Variants in RGS6 observed in about 807,000 individuals in gnomAD.
The protein encoded by RGS6 is regulator of G protein signaling 6, also known as regulator of G-protein signaling 6.
A neutral mutation model predicts 78.5 loss-of-function variants in RGS6; 30 were observed. That is an observed-to-expected ratio of 0.38 (90% CI 0.29 to 0.52). The LOEUF is 0.52. Ranked by LOEUF, RGS6 falls within the 20% of genes least tolerant of loss-of-function variation. The probability of loss-of-function intolerance (pLI) is 0.85; values close to 1 mark genes in which losing one functional copy is unlikely to be tolerated. For missense variants in RGS6, 495 were observed against 609.7 expected (o/e 0.81, Z 1.98); for synonymous variants, 206 against 206.0 (o/e 1.00, Z 0.00).
chr14:72,183,845 A>C (rs2097204801), intron 2 of RGS6, among the ~76,000 whole-genome samples: 1 of 152,176 alleles, frequency 6.6e-6, no homozygotes, highest in African/African-American at 2.4e-5. Flanking sequence ...GAAGGAGTAT[A>C]GTAAGCTTTG....
chr14:72,059,929 G>T (rs1207323814), intron 2 of RGS6, among the ~76,000 whole-genome samples: 1 of 152,178 alleles, frequency 6.6e-6, no homozygotes, highest in Non-Finnish European at 1.5e-5. Flanking sequence ...GTGATATTTT[G>T]TTATGGTAGC....
intron 2 of RGS6, among the ~76,000 whole-genome samples, chr14:72,250,728 A>G (rs1468047968): frequency 1.3e-5 from 2 of 152,224 alleles, no homozygotes; most frequent in African/African-American, 4.8e-5. Flanking sequence ...ATGAAACACA[A>G]TGAGAATTAA....
At chr14:72,561,105 A>G (rs2097669993) in intron 17 of RGS6, among the ~76,000 whole-genome samples, 1 of 152,126 alleles carries the variant, frequency 6.6e-6, no homozygotes, top group Non-Finnish European at 1.5e-5. Context: ...TTATTAGATA[A>G]ACCCGTTATC....
At chr14:72,041,188 C>A (rs1316564659) in intron 2 of RGS6, among the ~76,000 whole-genome samples, 2 of 152,172 alleles carry the variant, frequency 1.3e-5, no homozygotes, top group African/African-American at 2.4e-5. Flanking sequence ...AAAACAACTA[C>A]AACAACCAGC....
At chr14:72,495,329 AC>A in intron 13 of RGS6, 67 bp downstream of exon 13, 1 of 993,124 alleles carries the variant, frequency 1.0e-6, no homozygotes, top group South Asian at 1.3e-5. Flanking sequence ...TCATGAGATT[AC>A]CTTATATTCT....
intron 2 of RGS6, among the ~76,000 whole-genome samples, chr14:72,235,683 G>A (rs933132362): frequency 6.6e-6 from 1 of 152,116 alleles, no homozygotes; most frequent in Non-Finnish European, 1.5e-5. Flanking sequence ...CCAAACCTAG[G>A]ACTTGACTAT....
rs1191520814 is a variant in RGS6, at chr14:72,063,866, TGTGA to T, written c.84+98994_84+98997del. Among the ~76,000 whole-genome samples, 10 of 151,980 alleles carry T rather than the reference TGTGA, an allele frequency of 6.6e-5. No individual in the cohort carries two copies. In the East Asian group the frequency reaches 1.9e-3, roughly 30 times the overall value. On this transcript the variant is annotated intron_variant, in intron 2 of 17. Coordinates refer to ENST00000553525, the MANE Select transcript of RGS6 (RefSeq NM_001204424.2). The stretch of plus-strand genomic sequence containing the variant: ...AATAGAATCAAGATCATCAGATGGG[TGTGA>T]GTAAGGGGTCATTTCTAGGAGTAGG...
chr14:72,017,237 G>C (rs2153234108), intron 2 of RGS6, among the ~76,000 whole-genome samples: 1 of 152,184 alleles, frequency 6.6e-6, no homozygotes, highest in East Asian at 1.9e-4. Flanking sequence ...TTTTGTTGCT[G>C]TCAATGATAT....
intron 2 of RGS6, among the ~76,000 whole-genome samples, chr14:72,335,384 T>G (rs151057453): frequency 6.6e-6 from 1 of 152,154 alleles, no homozygotes; most frequent in Non-Finnish European, 1.5e-5. Flanking sequence ...TGAGAGTTAG[T>G]TCCTTTTAGG....
intron 2 of RGS6, among the ~76,000 whole-genome samples, chr14:72,231,379 G>A (rs376649676): frequency 2.8e-4 from 43 of 152,120 alleles, no homozygotes; most frequent in African/African-American, 1.0e-3. Flanking sequence ...AGCTAAATGT[G>A]GTATATTGGA....
At chr14:72,014,422 G>A (rs1567021821) in intron 2 of RGS6, among the ~76,000 whole-genome samples, 1 of 152,168 alleles carries the variant, frequency 6.6e-6, no homozygotes, top group Non-Finnish European at 1.5e-5. Context: ...GCACATTCTT[G>A]TGAATATTTT....
rs116556180 is a variant in RGS6, at chr14:72,285,029, C to T, written c.85-67066C>T. On this transcript the variant is annotated intron_variant, in intron 2 of 17. Transcript: ENST00000553525. ...ATTTGGGATGGGTATATCTATCCAA[C>T]GCCTGTACCCCCATTGTATCTAGGA... 5.5e-3 allele frequency among the ~76,000 whole-genome samples: 841 copies of T among 152,282 alleles called. 10 individuals are homozygous for T. Among genetic ancestry groups the T allele is most frequent in the African/African-American group, 0.019 (810 of 41,558 alleles).
chr14:72,133,362 A>T (rs1412016951), intron 2 of RGS6, among the ~76,000 whole-genome samples: 2 of 152,132 alleles, frequency 1.3e-5, no homozygotes, highest in African/African-American at 4.8e-5. Context: ...CTTAGAATTG[A>T]GACTTCAGAG....
chr14:72,320,285 T>TA (rs1292053018), intron 2 of RGS6, among the ~76,000 whole-genome samples: 9 of 152,194 alleles, frequency 5.9e-5, no homozygotes, highest in Non-Finnish European at 1.2e-4. Flanking sequence ...AGTTATTCTT[T>TA]AAAAAACTAT....
Position 72,088,102 on chromosome 14 carries a change from A to G in RGS6, c.84+123227A>G, listed in dbSNP as rs575205634. Among the ~76,000 whole-genome samples, 17 of 152,302 alleles carry G rather than the reference A, an allele frequency of 1.1e-4. 1 individual carries two copies. In the South Asian group the frequency reaches 3.5e-3, roughly 32 times the overall value. On this transcript the variant is annotated intron_variant, in intron 2 of 17. Transcript: ENST00000553525. ...ATCTTTTGGTACCATCTCCTTCTGC[A>G]TTTGAGATGAAACTTAGTCTTTTAA...
rs185055473 is a variant in RGS6, at chr14:72,054,573, A to G, written c.84+89698A>G. On this transcript the variant is annotated intron_variant, in intron 2 of 17. Coordinates refer to ENST00000553525, the MANE Select transcript of RGS6 (RefSeq NM_001204424.2). ...TTTCTTTTCCTTCCATTCTTGGTTC[A>G]TGACAAACCACCAACTGTCCACGCA... 3.3e-5 allele frequency among the ~76,000 whole-genome samples: 5 copies of G among 152,232 alleles called. No individual in the cohort carries two copies. The East Asian group carries it at 7.7e-4, about 24-fold the overall frequency.
At chr14:72,285,711 A>C (rs2062416115) in intron 2 of RGS6, among the ~76,000 whole-genome samples, 1 of 152,156 alleles carries the variant, frequency 6.6e-6, no homozygotes, top group East Asian at 1.9e-4. Context: ...TCATCCTAAC[A>C]GGTGTGAGGT....
chr14:72,214,320 G>A (rs1189109247), intron 2 of RGS6, among the ~76,000 whole-genome samples: 3 of 151,940 alleles, frequency 2.0e-5, no homozygotes, highest in African/African-American at 7.2e-5. Context: ...GGGACCAAAG[G>A]CACGTGCCAC....
At chr14:71,914,750 G>C in the RGS6 span, among the ~76,000 whole-genome samples, 2 of 151,788 alleles carry the variant, frequency 1.3e-5, no homozygotes, top group Non-Finnish European at 2.9e-5. Context: ...TTCTTTACGG[G>C]ACAAAAATAT....
Sources: gnomAD v4.1 joint callset for allele counts (sites outside exome capture counted in the v4.1 genomes callset) on GRCh38, gnomAD v4.1.1 for gene constraint, MANE v1.5 for transcripts, NCBI Gene and HGNC (gene_info 2026-07-23, HGNC 2026-07-21) for gene names.